TMC7: variants seen among roughly 807,000 people sequenced by gnomAD.
The protein encoded by TMC7 is transmembrane channel like 7, also known as transmembrane channel-like protein 7.
TMC7 carries 54 observed loss-of-function variants against 82.9 expected under a neutral mutation model. The observed-to-expected ratio is 0.65, with a 90% CI of 0.52 to 0.82. The LOEUF (loss-of-function observed/expected upper bound fraction) is 0.82. Among genes scored for constraint, TMC7 ranks in the 40% least tolerant of loss-of-function variants. The probability of loss-of-function intolerance (pLI) is 0.00; values close to 1 mark genes in which losing one functional copy is unlikely to be tolerated. For synonymous variants in TMC7, 350 were observed against 337.9 expected (o/e 1.04, Z -0.39); for missense variants, 820 against 901.2 (o/e 0.91, Z 1.15).
intron 1 of TMC7, among the ~76,000 whole-genome samples, chr16:18,987,609 A>G (rs1478993480): frequency 1.3e-5 from 2 of 152,094 alleles, no homozygotes; most frequent in Non-Finnish European, 2.9e-5. Context: ...CCAGGCTGGT[A>G]GCAGTCTTTC....
chr16:19,036,635 G>C (rs1017441118), intron 7 of TMC7, among the ~76,000 whole-genome samples: 6 of 152,124 alleles, frequency 3.9e-5, no homozygotes, highest in African/African-American at 1.4e-4. Context: ...AGAATCAATT[G>C]AACCAGGAGG....
At chr16:19,013,298 A>G (rs1474904439) in intron 2 of TMC7, among the ~76,000 whole-genome samples, 1 of 151,440 alleles carries the variant, frequency 6.6e-6, no homozygotes, top group Non-Finnish European at 1.5e-5. Context: ...GGCTCACCAC[A>G]ACCTCTGCCT....
At chr16:19,057,947 A>AT (rs35330440) in intron 14 of TMC7, among the ~76,000 whole-genome samples, 71,672 of 146,240 alleles carry the variant, frequency 0.49, 19,303 homozygotes, top group East Asian at 0.75. Context: ...CCAGCAGTTG[A>AT]TTTTTTTTTT....
At chr16:19,006,973 C>T (rs141750935) in intron 1 of TMC7, among the ~76,000 whole-genome samples, 121 of 151,954 alleles carry the variant, frequency 8.0e-4, no homozygotes, top group African/African-American at 2.2e-3. Context: ...CGTGCCACCA[C>T]GTGCAGCTAG....
chr16:19,045,036 G>A, intron 10 of TMC7, 35 bp downstream of exon 10: 2 of 1,504,036 alleles, frequency 1.3e-6, no homozygotes, highest in African/African-American at 1.4e-5. Flanking sequence ...GGCTGGGTGG[G>A]TCCTTCTGGA....
intron 2 of TMC7, among the ~76,000 whole-genome samples, chr16:19,013,663 A>G (rs1239227183): frequency 6.6e-6 from 1 of 151,710 alleles, no homozygotes; most frequent in East Asian, 1.9e-4. Context: ...GATTACAGGC[A>G]CCTGCCACCA....
intron 1 of TMC7, among the ~76,000 whole-genome samples, chr16:18,988,410 C>T (rs2038891480): frequency 6.6e-6 from 1 of 152,058 alleles, no homozygotes; most frequent in Admixed American, 6.6e-5. Context: ...CCACCTTGGC[C>T]TCCCAAAGTG....
At chr16:19,043,404 A>C (rs1043077711) in intron 9 of TMC7, among the ~76,000 whole-genome samples, 4 of 152,172 alleles carry the variant, frequency 2.6e-5, no homozygotes, top group African/African-American at 7.2e-5. Context: ...TTGTAGTAAC[A>C]TATATGTAAC....
At chr16:19,053,541 T>A (rs1195755778) in intron 13 of TMC7, among the ~76,000 whole-genome samples, 1 of 152,034 alleles carries the variant, frequency 6.6e-6, no homozygotes, top group African/African-American at 2.4e-5. Context: ...GTAGCTGGGA[T>A]TACAGGCATG....
intron 5 of TMC7, among the ~76,000 whole-genome samples, chr16:19,026,551 C>T (rs1340838028): frequency 6.6e-6 from 1 of 151,784 alleles, no homozygotes; most frequent in African/African-American, 2.4e-5. Context: ...TAGATTACAT[C>T]CCACAAGAAA....
chr16:19,001,454 G>A (rs58795773), intron 1 of TMC7, among the ~76,000 whole-genome samples: 1 of 152,208 alleles, frequency 6.6e-6, no homozygotes, highest in Non-Finnish European at 1.5e-5. Flanking sequence ...GCTGAGGTGG[G>A]AGGATCACTT....
chr16:19,047,363 T>G lies in TMC7; in HGVS notation c.1740+114T>G, dbSNP rs1567527109. ...CATGAGACGTATCAAAATTACATCC[T>G]TTATTTAAAATATATGTTTATTCTA... On this transcript the variant is annotated intron_variant, in intron 12 of 15. Coordinates refer to ENST00000304381, the MANE Select transcript of TMC7 (RefSeq NM_024847.4). 6 of 893,830 alleles carry G rather than the reference T, an allele frequency of 6.7e-6. No individual in the cohort carries two copies. In the Middle Eastern group the frequency reaches 1.1e-3, roughly 163 times the overall value. The allele number at this position is 893,830 out of a possible 1,614,324, so 55.4% of individuals were successfully genotyped here.
intron 5 of TMC7, among the ~76,000 whole-genome samples, chr16:19,023,998 A>C (rs539662532): frequency 6.6e-6 from 1 of 152,202 alleles, no homozygotes; most frequent in Non-Finnish European, 1.5e-5. Context: ...TATCATGTAC[A>C]TGGGCGTATG....
chr16:18,999,967 G>A (rs1175734740), intron 1 of TMC7, among the ~76,000 whole-genome samples: 1 of 151,780 alleles, frequency 6.6e-6, no homozygotes, highest in Non-Finnish European at 1.5e-5. Context: ...GTTTCACCAT[G>A]TTAGCCAGGA....
intron 7 of TMC7, among the ~76,000 whole-genome samples, chr16:19,036,762 G>C (rs1373959665): frequency 6.6e-6 from 1 of 151,656 alleles, no homozygotes; most frequent in Non-Finnish European, 1.5e-5. Context: ...GGAGAGAAAG[G>C]AGTAAAGAAT....
chr16:19,012,292 AT>A (rs1959403640), intron 2 of TMC7: 1 of 152,188 alleles, frequency 6.6e-6, no homozygotes, highest in African/African-American at 2.4e-5. Flanking sequence ...TAAATAAATA[AT>A]GTATTTTATT....
At position 19,062,660 on chromosome 16, in the gene TMC7, G is replaced by A. The variant is rs575141299; in HGVS notation, c.*817G>A. On this transcript the variant is annotated 3_prime_UTR_variant, in exon 16 of 16. Coordinates refer to ENST00000304381, the MANE Select transcript of TMC7 (RefSeq NM_024847.4). ...ATGTAGAATATCTCTTAAGATTTCC[G>A]TTATGGTAAAAACCATATGCAATAA... 5 of 152,648 alleles carry A rather than the reference G, an allele frequency of 3.3e-5. No individual in the cohort carries two copies. The highest frequency in any genetic ancestry group is 4.1e-4 in the South Asian group (2 of 4,828). 9.5% of individuals were successfully genotyped at this position (152,648 alleles called of 1,614,324 possible).
chr16:19,042,712 G>A (rs987932158), intron 9 of TMC7, among the ~76,000 whole-genome samples: 2 of 150,664 alleles, frequency 1.3e-5, no homozygotes, highest in Non-Finnish European at 3.0e-5. Context: ...CTTTCACCAT[G>A]TTAGCCAAAT....
chr16:19,017,672 T>TG, intron 3 of TMC7, among the ~76,000 whole-genome samples: 1 of 145,352 alleles, frequency 6.9e-6, no homozygotes, highest in East Asian at 2.0e-4. Flanking sequence ...AAACAGTTTT[T>TG]TTTTTTTTTT....
Sources: gnomAD v4.1 joint callset for allele counts (sites outside exome capture counted in the v4.1 genomes callset) on GRCh38, gnomAD v4.1.1 for gene constraint, MANE v1.5 for transcripts, NCBI Gene and HGNC (gene_info 2026-07-23, HGNC 2026-07-21) for gene names.